The following METTL21A variants were observed in gnomAD, a reference collection of about 807,000 sequenced individuals.
METTL21A encodes the protein protein N-lysine methyltransferase METTL21A.
METTL21A carries 22 observed loss-of-function variants against 20.9 expected under a neutral mutation model. That is an observed-to-expected ratio of 1.05 (90% CI 0.75 to 1.50). METTL21A has a LOEUF of 1.50. Ranked by LOEUF, METTL21A falls within the 40% of genes most tolerant of loss-of-function variation. METTL21A has a pLI of 0.00. For synonymous variants in METTL21A, 93 were observed against 102.0 expected, an observed-to-expected ratio of 0.91 and a Z score of 0.53; for missense variants, 271 against 266.8, an observed-to-expected ratio of 1.02 and a Z score of -0.11.
At position 207,602,293 on chromosome 2, in the gene METTL21A, TAA is replaced by T. The variant is rs1213034575; in HGVS notation, c.259+19511_259+19512del. ...AAGCCGGTGATGCAAGTTGATATTATAAACAGGCAGTTTTAGCACAGAAAGAA... is the reference window on the plus strand; with the variant it reads ...AAGCCGGTGATGCAAGTTGATATTATACAGGCAGTTTTAGCACAGAAAGAA... On this transcript the variant is annotated intron_variant, in intron 3 of 3. Coordinates refer to the METTL21A transcript ENST00000425132. The T allele has an allele frequency of 1.6e-5, 3 of 193,388 alleles. No individual in the cohort carries two copies. In the Admixed American group the frequency reaches 1.8e-4, roughly 12 times the overall value. 12.0% of individuals were successfully genotyped at this position (193,388 alleles called of 1,614,324 possible).
intron 3 of METTL21A, among the ~76,000 whole-genome samples, chr2:207,589,235 C>T (rs1251855413): frequency 1.3e-5 from 2 of 152,158 alleles, no homozygotes; most frequent in Non-Finnish European, 2.9e-5. Flanking sequence ...TGCATTCCTT[C>T]CTGGAGGTTC....
chr2:207,584,819 C>T (rs977690346), intron 3 of METTL21A, among the ~76,000 whole-genome samples: 1 of 152,066 alleles, frequency 6.6e-6, no homozygotes, highest in East Asian at 1.9e-4. Flanking sequence ...ACCTTTTTTC[C>T]AAATCCTTTG....
chr2:207,625,088 C>T (rs2090971774), intron 1 of METTL21A: 1 of 152,536 alleles, frequency 6.6e-6, no homozygotes, highest in African/African-American at 2.4e-5. Context: ...CCAGTGCGCC[C>T]TTCCTGCCCG....
intron 3 of METTL21A, chr2:207,599,438 T>A (rs1034069843): frequency 1.0e-5 from 2 of 199,778 alleles, no homozygotes; most frequent in Non-Finnish European, 2.1e-5. Context: ...AAGTTCAGGC[T>A]TTCTACTTAC....
chr2:207,622,062 G>T (rs1163815602), intron 2 of METTL21A, 145 bp from the exon 3 acceptor site: 5 of 694,612 alleles, frequency 7.2e-6, no homozygotes, highest in African/African-American at 5.3e-5. Flanking sequence ...AGCTGGTGCA[G>T]CAAGGTAACC....
chr2:207,591,497 A>G (rs570258941), intron 3 of METTL21A, among the ~76,000 whole-genome samples: 1 of 152,164 alleles, frequency 6.6e-6, no homozygotes, highest in Non-Finnish European at 1.5e-5. Context: ...CAGTGGCACA[A>G]TCTTGGCTCA....
intron 3 of METTL21A, among the ~76,000 whole-genome samples, chr2:207,617,573 A>G (rs2089941363): frequency 1.3e-5 from 2 of 152,266 alleles, no homozygotes; most frequent in South Asian, 4.1e-4. Flanking sequence ...GCAGGATGCG[A>G]TAACAAAGCC....
chr2:207,602,055 G>A (rs923606976), intron 3 of METTL21A: 1 of 204,854 alleles, frequency 4.9e-6, no homozygotes, highest in Admixed American at 6.0e-5. Context: ...AATAAACAGG[G>A]TGCTGAAGTT....
intron 3 of METTL21A, among the ~76,000 whole-genome samples, chr2:207,593,280 C>A (rs913941007): frequency 3.9e-5 from 6 of 152,142 alleles, no homozygotes; most frequent in Admixed American, 1.3e-4. Context: ...AATCCCAGCA[C>A]TTTGGGAGGC....
rs2086677804 is a variant in METTL21A, at chr2:207,599,404, G to GTATTCTCTA, written c.260-17253_260-17245dup. 3 of 203,638 alleles carry GTATTCTCTA rather than the reference G, an allele frequency of 1.5e-5. No individual in the cohort carries two copies. In the East Asian group the frequency reaches 2.3e-4, roughly 15 times the overall value. The allele number at this position is 203,638 out of a possible 1,614,324, so 12.6% of individuals were successfully genotyped here. On this transcript the variant is annotated intron_variant, in intron 3 of 3. Coordinates refer to the METTL21A transcript ENST00000425132. The stretch of plus-strand genomic sequence containing the variant: ...AAAATTGCCTGATGTTTAGCAGTTT[G>GTATTCTCTA]TATTCTCTAAAGCTTTTTTTCAAAA...
At chr2:207,596,925 G>A in intron 3 of METTL21A, 1 of 1,609,014 alleles carries the variant, frequency 6.2e-7, no homozygotes, top group Non-Finnish European at 8.5e-7. Flanking sequence ...GAAGCAGCTC[G>A]AGAGTGTCGT....
chr2:207,600,105 T>C (rs1189588565), intron 3 of METTL21A: 1 of 186,034 alleles, frequency 5.4e-6, no homozygotes, highest in Non-Finnish European at 1.1e-5. Flanking sequence ...TATTAAATAA[T>C]TGCTATCAGA....
chr2:207,604,828 A>G (rs1380314302), downstream of METTL21A, among the ~76,000 whole-genome samples: 1 of 152,184 alleles, frequency 6.6e-6, no homozygotes, highest in African/African-American at 2.4e-5. Flanking sequence ...TGAGACTCAT[A>G]CACTGTGTAT....
Position 207,613,419 on chromosome 2 carries a change from C to T in METTL21A, c.284G>A (p.Arg95Gln). ...TTTAAGAAATTCTAATGCTACTTTT[C>T]GATCCGTGATAGTCACATGAGCACC... Residue 95 changes from arginine to glutamine, a missense_variant, in exon 4 of 4, where the codon CGA (arginine) becomes CAA (glutamine). Arg to Gln is a conservative substitution (Grantham distance 43). Transcript: ENST00000406927. 4 of 1,600,852 alleles carry T rather than the reference C, an allele frequency of 2.5e-6. No homozygotes were observed. Among genetic ancestry groups the T allele is most frequent in the Non-Finnish European group, 3.4e-6 (4 of 1,175,224 alleles).
chr2:207,586,205 A>G (rs1437640418), intron 3 of METTL21A, among the ~76,000 whole-genome samples: 2 of 152,232 alleles, frequency 1.3e-5, no homozygotes, highest in Non-Finnish European at 1.5e-5. Context: ...CTACAAAGCT[A>G]TAGTAACCAA....
exon 4 of METTL21A, chr2:207,612,928 G>A (rs2089162325): frequency 2.8e-6 from 3 of 1,071,256 alleles, no homozygotes; most frequent in Admixed American, 2.7e-5. Flanking sequence ...TTTCTCCCCT[G>A]AGAACCTTTG....
At chr2:207,600,191 C>G (rs1372898028) in intron 3 of METTL21A, 1 of 173,208 alleles carries the variant, frequency 5.8e-6, no homozygotes, top group Non-Finnish European at 1.2e-5. Context: ...GTGCTCTCTT[C>G]ATTTAGATAT....
Position 207,590,341 on chromosome 2 carries a change from C to T in METTL21A, c.260-8181G>A, listed in dbSNP as rs960188161. 3.3e-5 allele frequency among the ~76,000 whole-genome samples: 5 copies of T among 151,864 alleles called. No individual in the cohort carries two copies. In the East Asian group the frequency reaches 7.8e-4, roughly 24 times the overall value. Reference sequence around the variant, plus strand: ...TCTCTCTGTATTCGCCACCCCTACCCCAGCCACCCTCCTTTTTTTTTAAGT... The same window carrying T: ...TCTCTCTGTATTCGCCACCCCTACCTCAGCCACCCTCCTTTTTTTTTAAGT... On this transcript the variant is annotated intron_variant, in intron 3 of 3. Transcript: ENST00000425132.
At chr2:207,602,390 A>C (rs1448487843) in intron 3 of METTL21A, 2 of 202,384 alleles carry the variant, frequency 9.9e-6, no homozygotes, top group Non-Finnish European at 2.0e-5. Flanking sequence ...ATACATTTTT[A>C]ATTATTCTCA....
Sources: allele counts gnomAD v4.1 joint callset (sites outside exome capture counted in the v4.1 genomes callset), GRCh38; gene constraint gnomAD v4.1.1; transcripts MANE v1.5; gene names NCBI Gene and HGNC (gene_info 2026-07-23, HGNC 2026-07-21).